The following HTT variants were observed in gnomAD, a reference collection of about 807,000 sequenced individuals.
HTT encodes the protein huntingtin, also known as huntington disease protein.
Under a neutral mutation model 362.3 loss-of-function variants are expected in HTT, and 104 were observed. The observed-to-expected ratio is 0.29, with a 90% CI of 0.24 to 0.34. HTT has a LOEUF of 0.34. HTT is among the 10% of genes least tolerant of loss of function. The pLI is 1.00. For missense variants in HTT, 3,301 were observed against 3,928.6 expected, an observed-to-expected ratio of 0.84 and a Z score of 4.27; for synonymous variants, 1,577 against 1,548.7, an observed-to-expected ratio of 1.02 and a Z score of -0.43.
At chr4:3,232,698 C>T (rs906437700) in intron 60 of HTT, among the ~76,000 whole-genome samples, 5 of 152,250 alleles carry the variant, frequency 3.3e-5, no homozygotes, top group African/African-American at 9.6e-5. Context: ...CCCGAGGACA[C>T]CAGGCTTGAG....
intron 64 of HTT, among the ~76,000 whole-genome samples, chr4:3,236,762 C>T (rs73792377): frequency 6.6e-6 from 1 of 152,098 alleles, no homozygotes; most frequent in Non-Finnish European, 1.5e-5. Context: ...CTTCTGCCCC[C>T]CACCACCCCC....
chr4:3,158,415 T>C (rs368035612), intron 28 of HTT, among the ~76,000 whole-genome samples: 9 of 152,348 alleles, frequency 5.9e-5, no homozygotes, highest in African/African-American at 2.2e-4. Flanking sequence ...AACTTCTACT[T>C]GTAGATTGAT....
rs1029868466 is a variant in HTT at position 3,242,147 on chromosome 4, T to A, written c.*2088T>A. ...TGTTGTTCCTGGCTAGATGTTTACATTTGTAAGAAATAACACTGTGAATGT... is the reference window on the plus strand; with the variant it reads ...TGTTGTTCCTGGCTAGATGTTTACAATTGTAAGAAATAACACTGTGAATGT... On this transcript the variant is annotated 3_prime_UTR_variant, in exon 67 of 67. Transcript: ENST00000355072. 5.3e-5 allele frequency: 8 copies of A among 152,086 alleles called. No homozygotes were observed. Among genetic ancestry groups the A allele is most frequent in the African/African-American group, 1.9e-4 (8 of 41,416 alleles). The allele number at this position is 152,086 out of a possible 1,614,324, so 9.4% of individuals were successfully genotyped here. A position where few individuals can be genotyped will look rare whatever the true frequency, so the allele number is the denominator to read the frequency against.
At position 3,229,844 on chromosome 4, in the gene HTT, A is replaced by G. The variant is rs377385029; in HGVS notation, c.8110-43A>G. 1.9e-6 allele frequency: 3 copies of G among 1,606,954 alleles called. No homozygotes were observed. In the African/African-American group the frequency reaches 4.0e-5, roughly 21 times the overall value. On this transcript the variant is annotated intron_variant, in intron 59 of 66. Transcript: ENST00000355072. ...CTGGATGCGTTGCCTGGATTCTAACAGCGCGATTCTCCCCTTGCCCTCCTG... is the reference window on the plus strand; with the variant it reads ...CTGGATGCGTTGCCTGGATTCTAACGGCGCGATTCTCCCCTTGCCCTCCTG...
rs769511265 is a variant in HTT, at chr4:3,212,011, A to C, written c.6497A>C (p.Glu2166Ala). The change falls in exon 48 of 67, where the codon GAA becomes GCA. Residue 2166 changes from glutamate to alanine, a missense_variant. By Grantham distance (107) the Glu-to-Ala change is moderately radical (BLOSUM62 -1). This residue lies in a region of HTT where 2,316 missense variants were observed against 2,658.5 expected (regional missense o/e 0.87). Transcript: ENST00000355072. ...GGTGGCCAGAAGAGTGCCCTTTTTG[A>C]AGCAGCCCGTGAGGTGACTCTGGCC... ...ISGGQKSALF[E>A]AAREVTLARV... is the part of the protein sequence containing the mutation. 7 of 1,614,120 alleles carry C rather than the reference A, an allele frequency of 4.3e-6. No individual in the cohort carries two copies. The highest frequency in any genetic ancestry group is 5.9e-6 in the Non-Finnish European group (7 of 1,180,010).
chr4:3,185,127 G>A (rs1397666303), intron 37 of HTT, among the ~76,000 whole-genome samples: 1 of 152,164 alleles, frequency 6.6e-6, no homozygotes, highest in African/African-American at 2.4e-5. Context: ...CTTGAAGAGG[G>A]AACGGAGAAA....
Position 3,206,898 on chromosome 4 carries a change from T to C in HTT, c.5990T>C (p.Leu1997Pro). ...AVLTLYVDRL[L>P]CTPFRVLARM... ...CTCACGCTGTATGTGGACAGGCTTCTGTGCACCCCTTTCCGTGTGCTGGCT... is the reference window on the plus strand; with the variant it reads ...CTCACGCTGTATGTGGACAGGCTTCCGTGCACCCCTTTCCGTGTGCTGGCT... The change falls in exon 44 of 67, where the codon CTG (leucine) becomes CCG (proline). Residue 1997 changes from leucine (L) to proline (P), a missense_variant. Leu to Pro is a moderately conservative substitution (Grantham distance 98). Around this residue, in one of 4 missense-constraint regions of HTT, gnomAD observed 2,316 missense variants for 2,658.5 expected, o/e 0.87. Coordinates refer to ENST00000355072, the MANE Select transcript of HTT (RefSeq NM_001388492.1). The surrounding 1 kb of genome is among the most constrained non-coding windows in gnomAD (Gnocchi z 4.6). 1.2e-6 allele frequency: 2 copies of C among 1,614,226 alleles called. No homozygotes were observed. Among genetic ancestry groups the C allele is most frequent in the Non-Finnish European group, 1.7e-6 (2 of 1,180,036 alleles).
Position 3,182,479 on chromosome 4 carries a change from C to A in HTT, c.4866+9C>A. The A allele has an allele frequency of 6.3e-7, 1 of 1,581,816 alleles. No individual in the cohort carries two copies. Among genetic ancestry groups the A allele is most frequent in the Non-Finnish European group, 8.7e-7 (1 of 1,150,724 alleles). On this transcript the variant is annotated intron_variant, in intron 37 of 66. Coordinates refer to ENST00000355072, the MANE Select transcript of HTT (RefSeq NM_001388492.1). ...TGTTAGCCAAACAGCAGGTTTGTCC[C>A]CGCAGCCTTGGCTTGTTGTTGCATA...
chr4:3,223,234 G>T (rs554901382), intron 54 of HTT, among the ~76,000 whole-genome samples, 172 bp from the exon 55 acceptor site: 1 of 152,366 alleles, frequency 6.6e-6, no homozygotes, highest in South Asian at 2.1e-4. Context: ...TTCAGGGCCC[G>T]TGTGTGCGGA....
intron 37 of HTT, among the ~76,000 whole-genome samples, chr4:3,185,506 A>C (rs1168379544): frequency 6.6e-6 from 1 of 152,228 alleles, no homozygotes; most frequent in African/African-American, 2.4e-5. Flanking sequence ...CTATGTATAC[A>C]CACTCAGTAG....
rs1389297782 is a variant in HTT at position 3,228,472 on chromosome 4, G to A, written c.7849-143G>A. ...ACCCTCTCTGTGGGCTCCCTTGCCC[G>A]TAACCTGGGGTGTCTGAACGACCCT... On this transcript the variant is annotated intron_variant, in intron 57 of 66. Coordinates refer to ENST00000355072, the MANE Select transcript of HTT (RefSeq NM_001388492.1). This position sits in a 1 kb window ranked among gnomAD's most constrained non-coding sequence, Gnocchi z 4.3. 10 of 869,386 alleles carry A rather than the reference G, an allele frequency of 1.2e-5. No individual in the cohort carries two copies. The highest frequency in any genetic ancestry group is 5.6e-5 in the East Asian group (2 of 35,802). 53.9% of individuals were successfully genotyped at this position (869,386 alleles called of 1,614,324 possible). A position where few individuals can be genotyped will look rare whatever the true frequency, so the allele number is the denominator to read the frequency against.
intron 2 of HTT, among the ~76,000 whole-genome samples, chr4:3,092,451 A>G (rs575158955): frequency 6.6e-6 from 1 of 152,190 alleles, no homozygotes; most frequent in Non-Finnish European, 1.5e-5. Context: ...TTGCACAATC[A>G]TAGCCCACTG....
intron 27 of HTT, among the ~76,000 whole-genome samples, chr4:3,155,077 C>G (rs558567123): frequency 2.0e-5 from 3 of 152,118 alleles, no homozygotes; most frequent in African/African-American, 7.2e-5. Flanking sequence ...CCTCTGCTAT[C>G]TGGGACGCCT....
At chr4:3,182,498 T>C (rs1718573308) in intron 37 of HTT, 28 bp downstream of exon 37, 4 of 1,433,442 alleles carry the variant, frequency 2.8e-6, no homozygotes, top group Non-Finnish European at 3.9e-6. Context: ...TGGCTTGTTG[T>C]TGCATAGTGA....
At chr4:3,136,109 C>G (rs1716052745) in intron 20 of HTT, 117 bp from the exon 21 acceptor site, 4 of 885,196 alleles carry the variant, frequency 4.5e-6, no homozygotes, top group Non-Finnish European at 7.1e-6. Flanking sequence ...ATAATCTTGT[C>G]ATATGGATTT....
chr4:3,211,196 G>A (rs1315468565), intron 47 of HTT, among the ~76,000 whole-genome samples: 2 of 152,080 alleles, frequency 1.3e-5, no homozygotes, highest in Non-Finnish European at 2.9e-5. Flanking sequence ...GAGCCACCAC[G>A]CCCGGCCTAA....
At chr4:3,095,447 G>T (rs1337673067) in intron 2 of HTT, among the ~76,000 whole-genome samples, 1 of 152,228 alleles carries the variant, frequency 6.6e-6, no homozygotes, top group East Asian at 1.9e-4. Flanking sequence ...AATCAGGTAG[G>T]GAGGTTGCAG....
intron 33 of HTT, among the ~76,000 whole-genome samples, chr4:3,177,023 A>G (rs1012513569): frequency 3.9e-5 from 6 of 152,192 alleles, no homozygotes; most frequent in East Asian, 1.9e-4. Context: ...GTGCCACCCT[A>G]TCTGCCATTA....
intron 12 of HTT, 57 bp downstream of exon 12, chr4:3,127,661 C>G (rs113677868): frequency 1.3e-4 from 171 of 1,345,908 alleles, no homozygotes; most frequent in Non-Finnish European, 1.7e-4. Context: ...GAGACAGAGT[C>G]TCACTCCATA....
Sources: gnomAD v4.1 joint callset for allele counts (sites outside exome capture counted in the v4.1 genomes callset) on GRCh38, gnomAD v4.1.1 for gene constraint, gnomAD v4.1.1 regional missense constraint, Gnocchi (gnomAD v3.1) non-coding constraint, MANE v1.5 for transcripts, NCBI Gene and HGNC (gene_info 2026-07-23, HGNC 2026-07-21) for gene names.